Variants in PCDHGA11 observed in about 807,000 individuals in gnomAD.
PCDHGA11 encodes protocadherin gamma subfamily A, 11.
A neutral mutation model predicts 60.4 loss-of-function variants in PCDHGA11; 39 were observed. That is an observed-to-expected ratio of 0.65 (90% CI 0.50 to 0.84). The LOEUF is 0.84. Among genes scored for constraint, PCDHGA11 ranks in the 40% least tolerant of loss-of-function variants. The pLI is 0.00. For synonymous variants in PCDHGA11, 533 were observed against 510.3 expected (o/e 1.04, Z -0.60); for missense variants, 1,165 against 1,197.7 (o/e 0.97, Z 0.40).
In PCDHGA11 at chr5:141,432,249, A is replaced by G; in HGVS notation, c.2433+8589A>G. The G allele has an allele frequency of 6.2e-7, 1 of 1,614,206 alleles. No individual in the cohort carries two copies. Among genetic ancestry groups the G allele is most frequent in the Non-Finnish European group, 8.5e-7 (1 of 1,180,044 alleles). On this transcript the variant is annotated intron_variant, in intron 1 of 3. Coordinates refer to ENST00000398587, the MANE Select transcript of PCDHGA11 (RefSeq NM_018914.3). The surrounding 1 kb of genome is among the most constrained non-coding windows in gnomAD (Gnocchi z 6.0). ...TATTCCCTGGCTGAGAACACCATCC[A>G]AGGGGCAAGCCTATCGTCCTACGTG...
chr5:141,461,639 C>T (rs1041604977), intron 1 of PCDHGA11, among the ~76,000 whole-genome samples: 12 of 152,088 alleles, frequency 7.9e-5, no homozygotes, highest in Non-Finnish European at 1.6e-4. Flanking sequence ...GCAATTTCTT[C>T]TTTGACCCAT....
chr5:141,476,738 C>T lies in PCDHGA11; in HGVS notation c.2434-18069C>T. 6.2e-7 allele frequency: 1 copy of T among 1,614,076 alleles called. No individual in the cohort carries two copies. The highest frequency in any genetic ancestry group is 2.2e-5 in the East Asian group (1 of 44,880). On this transcript the variant is annotated intron_variant, in intron 1 of 3. Transcript: ENST00000398587. This position sits in a 1 kb window ranked among gnomAD's most constrained non-coding sequence, Gnocchi z 7.6. Reference sequence around the variant, plus strand: ...GCGCGCCCTGGACCGAGAACGGGAGCCTAGTCTCCAGTTAGTGCTGACGGC... The same window carrying T: ...GCGCGCCCTGGACCGAGAACGGGAGTCTAGTCTCCAGTTAGTGCTGACGGC...
At position 141,485,561 on chromosome 5, in the gene PCDHGA11, GCCC is replaced by G; in HGVS notation, c.2434-9242_2434-9240del. ...AGAGATCGTAGATGTGAATGATCAC[GCCC>G]CCCGTTTTCCGCGGCAGCAGCTGGA... On this transcript the variant is annotated intron_variant, in intron 1 of 3. Transcript: ENST00000398587. This position sits in a 1 kb window ranked among gnomAD's most constrained non-coding sequence, Gnocchi z 5.7. 1 of 1,613,008 alleles carries G rather than the reference GCCC, an allele frequency of 6.2e-7. No homozygotes were observed.
At chr5:141,428,600 C>T (rs2097150405) in intron 1 of PCDHGA11, 1 of 223,920 alleles carries the variant, frequency 4.5e-6, no homozygotes, top group African/African-American at 2.3e-5. Flanking sequence ...GCAAGCTTCA[C>T]TGAAGAGAAT....
intron 2 of PCDHGA11, among the ~76,000 whole-genome samples, chr5:141,499,829 G>A (rs1322405697): frequency 6.6e-6 from 1 of 151,548 alleles, no homozygotes; most frequent in African/African-American, 2.4e-5. Context: ...TAGGATTACA[G>A]GTGTGCACCA....
rs753202774 is a variant in PCDHGA11, at chr5:141,487,875, C to A, written c.2434-6932C>A. 33 of 828,628 alleles carry A rather than the reference C, an allele frequency of 4.0e-5. No individual in the cohort carries two copies. Among genetic ancestry groups the A allele is most frequent in the Non-Finnish European group, 5.8e-5 (31 of 536,030 alleles). The allele number at this position is 828,628 out of a possible 1,614,324, so 51.3% of individuals were successfully genotyped here. A position where few individuals can be genotyped will look rare whatever the true frequency, so the allele number is the denominator to read the frequency against. The stretch of plus-strand genomic sequence containing the variant: ...AAGTAATTGGTGATCAAGAGCCAGG[C>A]TGTTGTGGAAGCATGATGATGGAAT... On this transcript the variant is annotated intron_variant, in intron 1 of 3. Coordinates refer to ENST00000398587, the MANE Select transcript of PCDHGA11 (RefSeq NM_018914.3). The surrounding 1 kb of genome is among the most constrained non-coding windows in gnomAD (Gnocchi z 5.0).
At position 141,426,367 on chromosome 5, in the gene PCDHGA11, G is replaced by A. The variant is rs557191606; in HGVS notation, c.2433+2707G>A. The A allele has an allele frequency of 8.2e-4, 168 of 204,486 alleles. 3 individuals are homozygous for A. The South Asian group carries it at 0.014, about 17-fold the overall frequency. 12.7% of individuals were successfully genotyped at this position (204,486 alleles called of 1,614,324 possible). ...TTTCCTGCTGCCTTTGTTCTGCGGG[G>A]CACCCTCGGAGCAGATCCGCTACTC... is the stretch of plus-strand genomic sequence containing the variant. On this transcript the variant is annotated intron_variant, in intron 1 of 3. Transcript: ENST00000398587.
chr5:141,423,100 G>A lies in PCDHGA11; in HGVS notation c.1873G>A (p.Gly625Ser). The change falls in exon 1 of 4, where the codon GGC (glycine) becomes AGC (serine). Residue 625 changes from glycine to serine, a missense_variant. By Grantham distance (56) the Gly-to-Ser change is moderately conservative. Coordinates refer to ENST00000398587, the MANE Select transcript of PCDHGA11 (RefSeq NM_018914.3). ...ACTCTTCGCGGTGGGGGAGCACACG[G>A]GCGAGGTGCGTACAGCGCGGGCACT... ...PGLFAVGEHTGEVRTARALLD... is the reference protein window; with the variant it reads ...PGLFAVGEHTSEVRTARALLD... 1 of 1,613,944 alleles carries A rather than the reference G, an allele frequency of 6.2e-7. No individual in the cohort carries two copies. The highest frequency in any genetic ancestry group is 8.5e-7 in the Non-Finnish European group (1 of 1,180,008).
intron 2 of PCDHGA11, among the ~76,000 whole-genome samples, chr5:141,501,110 G>A (rs1373404247): frequency 2.6e-5 from 4 of 151,908 alleles, no homozygotes; most frequent in Admixed American, 6.6e-5. Flanking sequence ...CTCGTGATCC[G>A]CCTGCCTCAG....
In PCDHGA11 at chr5:141,491,163, C is replaced by T; in HGVS notation, c.2434-3644C>T. On this transcript the variant is annotated intron_variant, in intron 1 of 3. Transcript: ENST00000398587. The surrounding 1 kb of genome is among the most constrained non-coding windows in gnomAD (Gnocchi z 6.9). ...CCTTACTGGAGGATGACTCTGACAC[C>T]CAGCAGGTGGTGGTCCTGGTGAGGG... is the stretch of plus-strand genomic sequence containing the variant. 1 of 1,614,092 alleles carries T rather than the reference C, an allele frequency of 6.2e-7. No homozygotes were observed. Among genetic ancestry groups the T allele is most frequent in the Non-Finnish European group, 8.5e-7 (1 of 1,179,950 alleles).
rs753581561 is a variant in PCDHGA11, at chr5:141,485,195, T to G, written c.2434-9612T>G. 2.2e-5 allele frequency: 36 copies of G among 1,613,912 alleles called. No homozygotes were observed. Among genetic ancestry groups the G allele is most frequent in the Non-Finnish European group, 1.4e-5 (16 of 1,179,906 alleles). ...AGCAATGCTCCGCAAGGTGAGAAGC[T>G]GGACAGAAATCTGGCGGTGGGCTAC... is the stretch of plus-strand genomic sequence containing the variant. On this transcript the variant is annotated intron_variant, in intron 1 of 3. Transcript: ENST00000398587. The surrounding 1 kb of genome is among the most constrained non-coding windows in gnomAD (Gnocchi z 5.7).
intron 1 of PCDHGA11, among the ~76,000 whole-genome samples, chr5:141,457,278 C>T (rs1446074161): frequency 6.6e-6 from 1 of 152,196 alleles, no homozygotes; most frequent in Non-Finnish European, 1.5e-5. Flanking sequence ...TGTGGGCCTA[C>T]GAAGTTCCTT....
chr5:141,423,750 T>TGGG lies in PCDHGA11; in HGVS notation c.2433+98_2433+100dup, dbSNP rs144521096. 4.7e-3 allele frequency: 1,348 copies of TGGG among 288,070 alleles called. 1 individual carries two copies. The highest frequency in any genetic ancestry group is 5.4e-3 in the Non-Finnish European group (1,192 of 221,408). 17.8% of individuals were successfully genotyped at this position (288,070 alleles called of 1,614,324 possible). A position where few individuals can be genotyped will look rare whatever the true frequency, so the allele number is the denominator to read the frequency against. ...TTTTGAGCCTGTTATGAAAACTGTT[T>TGGG]GGGGGGGGGGTGGGGCGGCATATAT... is the stretch of plus-strand genomic sequence containing the variant. On this transcript the variant is annotated intron_variant, in intron 1 of 3. Coordinates refer to ENST00000398587, the MANE Select transcript of PCDHGA11 (RefSeq NM_018914.3).
At chr5:141,427,869 AC>A in intron 1 of PCDHGA11, 1 of 1,559,604 alleles carries the variant, frequency 6.4e-7, no homozygotes, top group Non-Finnish European at 8.8e-7. Context: ...CTTCGAGCTC[AC>A]GATGCAGGCC....
At chr5:141,451,468 C>G (rs2098716484) in intron 1 of PCDHGA11, among the ~76,000 whole-genome samples, 1 of 152,202 alleles carries the variant, frequency 6.6e-6, no homozygotes, top group South Asian at 2.1e-4. Context: ...AGGTCTACCT[C>G]AGTTCCTTGC....
rs2099748179 is a variant in PCDHGA11 at position 141,493,421 on chromosome 5, T to G, written c.2434-1386T>G. Among the ~76,000 whole-genome samples the G allele has an allele frequency of 6.6e-6, 1 of 152,182 alleles. No individual in the cohort carries two copies. Among genetic ancestry groups the G allele is most frequent in the South Asian group, 2.1e-4 (1 of 4,830 alleles). On this transcript the variant is annotated intron_variant, in intron 1 of 3. Coordinates refer to ENST00000398587, the MANE Select transcript of PCDHGA11 (RefSeq NM_018914.3). The surrounding 1 kb of genome is among the most constrained non-coding windows in gnomAD (Gnocchi z 4.3). Reference sequence around the variant, plus strand: ...GGAGTTGCCTCTGCTGGGATTTTGCTTCTGCTGGGATGGGGCAAGGGTGGG... The same window carrying G: ...GGAGTTGCCTCTGCTGGGATTTTGCGTCTGCTGGGATGGGGCAAGGGTGGG...
intron 1 of PCDHGA11, chr5:141,428,419 C>G: frequency 4.4e-6 from 2 of 451,920 alleles, no homozygotes; most frequent in Non-Finnish European, 4.1e-6. Flanking sequence ...TCACCCTGGT[C>G]TCTGTTCTAA....
chr5:141,475,731 C>T (rs991175739), intron 1 of PCDHGA11, among the ~76,000 whole-genome samples: 1 of 152,248 alleles, frequency 6.6e-6, no homozygotes, highest in African/African-American at 2.4e-5. Context: ...GGCTGGCTTT[C>T]CCTAAGGTAG....
At chr5:141,458,201 TAGTTTAAAATA>T (rs1175017515) in intron 1 of PCDHGA11, among the ~76,000 whole-genome samples, 1 of 152,168 alleles carries the variant, frequency 6.6e-6, no homozygotes, top group Non-Finnish European at 1.5e-5. Context: ...AGGCCATAAA[TAGTTTAAAATA>T]AGTTTCCTTT....
Sources: allele counts gnomAD v4.1 joint callset (sites outside exome capture counted in the v4.1 genomes callset), GRCh38; gene constraint gnomAD v4.1.1; non-coding constraint Gnocchi (gnomAD v3.1); transcripts MANE v1.5; gene names NCBI Gene and HGNC (gene_info 2026-07-23, HGNC 2026-07-21).